Variants in PPP2R3A observed in about 807,000 individuals in gnomAD.
The protein encoded by PPP2R3A is serine/threonine-protein phosphatase 2A regulatory subunit B'' subunit alpha.
A neutral mutation model predicts 106.9 loss-of-function variants in PPP2R3A; 80 were observed. The ratio of observed to expected loss-of-function variants is 0.75; its 90% CI spans 0.62 to 0.90. The LOEUF is 0.90. PPP2R3A is among the 40% of genes least tolerant of loss of function. The probability of loss-of-function intolerance (pLI) is 0.00; values close to 1 mark genes in which losing one functional copy is unlikely to be tolerated. For missense variants in PPP2R3A, 1,386 were observed against 1,350.4 expected, an observed-to-expected ratio of 1.03 and a Z score of -0.41; for synonymous variants, 483 against 468.3, an observed-to-expected ratio of 1.03 and a Z score of -0.41.
chr3:136,053,486 G>C (rs1425724118), intron 5 of PPP2R3A, among the ~76,000 whole-genome samples: 1 of 152,182 alleles, frequency 6.6e-6, no homozygotes, highest in Non-Finnish European at 1.5e-5. Flanking sequence ...CAGAGCAGTT[G>C]TAAATTCAGG....
intron 11 of PPP2R3A, 74 bp downstream of exon 11, chr3:136,102,256 T>A (rs1457815338): frequency 1.4e-6 from 2 of 1,474,840 alleles, no homozygotes; most frequent in Non-Finnish European, 1.8e-6. Flanking sequence ...TAGATTGTCC[T>A]AAATTATTTA....
chr3:136,134,341 GTAA>G lies in PPP2R3A; in HGVS notation c.3330-10700_3330-10698del, dbSNP rs1384664141. On this transcript the variant is annotated intron_variant, in intron 13 of 13. Transcript: ENST00000264977. ...ATTTATGCCCTTTGACTCCCTGATA[GTAA>G]TTCTGAGTATCTATTGTAAATAATC... Among the ~76,000 whole-genome samples the G allele has an allele frequency of 1.1e-4, 17 of 152,146 alleles. 1 individual carries two copies. Among genetic ancestry groups the G allele is most frequent in the Middle Eastern group, 3.2e-3 (1 of 316 alleles).
intron 10 of PPP2R3A, among the ~76,000 whole-genome samples, chr3:136,101,641 ATC>A (rs955192788): frequency 1.3e-5 from 2 of 151,978 alleles, no homozygotes; most frequent in African/African-American, 4.8e-5. Context: ...GGCCAGGCTG[ATC>A]TCAAACTCCT....
chr3:135,975,478 G>A (rs1312314565), intron 1 of PPP2R3A, among the ~76,000 whole-genome samples: 4 of 152,130 alleles, frequency 2.6e-5, no homozygotes, highest in African/African-American at 7.2e-5. Context: ...AAGAATTTTA[G>A]CCAAACAAGT....
intron 3 of PPP2R3A, among the ~76,000 whole-genome samples, chr3:136,031,712 C>T (rs747780606): frequency 1.3e-5 from 2 of 152,138 alleles, no homozygotes; most frequent in Non-Finnish European, 2.9e-5. Flanking sequence ...GTTTCATTCT[C>T]CTACATGTGA....
In PPP2R3A at chr3:136,076,087, T is replaced by G. The variant is rs112083295; in HGVS notation, c.2545-2280T>G. ...CAGCTCCCACCTAATTCAGGAATCC[T>G]GTCAACTTCTTCCTAAATACTTGTG... On this transcript the variant is annotated intron_variant, in intron 6 of 13. Transcript: ENST00000264977. Among the ~76,000 whole-genome samples the G allele has an allele frequency of 5.9e-5, 9 of 152,334 alleles. 1 individual carries two copies. Among genetic ancestry groups the G allele is most frequent in the African/African-American group, 1.9e-4 (8 of 41,576 alleles).
chr3:136,070,636 A>G (rs553516428), intron 6 of PPP2R3A, 84 bp downstream of exon 6: 35 of 1,130,632 alleles, frequency 3.1e-5, no homozygotes, highest in Admixed American at 2.5e-4. Flanking sequence ...TCAAGTATCT[A>G]TGCAAAAGGT....
At chr3:136,131,265 C>T (rs1938403985) in intron 13 of PPP2R3A, among the ~76,000 whole-genome samples, 1 of 152,110 alleles carries the variant, frequency 6.6e-6, no homozygotes, top group Non-Finnish European at 1.5e-5. Flanking sequence ...GCAATCTACC[C>T]ACCTGACAAA....
chr3:136,003,923 C>T (rs1933751165), intron 2 of PPP2R3A, among the ~76,000 whole-genome samples: 1 of 152,140 alleles, frequency 6.6e-6, no homozygotes. Flanking sequence ...TACTGCATGC[C>T]TGTGTAGACC....
intron 8 of PPP2R3A, among the ~76,000 whole-genome samples, chr3:136,082,797 G>A (rs558764889): frequency 1.6e-3 from 249 of 152,176 alleles, no homozygotes; most frequent in African/African-American, 4.6e-3. Context: ...TCTGTAAAAA[G>A]CCAAGCATGA....
intron 13 of PPP2R3A, among the ~76,000 whole-genome samples, chr3:136,142,276 C>G (rs1384424330): frequency 6.6e-6 from 1 of 152,036 alleles, no homozygotes; most frequent in East Asian, 1.9e-4. Context: ...TAGCACCATC[C>G]CTGCACTCTA....
chr3:136,076,554 C>G (rs1936601074), intron 6 of PPP2R3A, among the ~76,000 whole-genome samples: 1 of 152,146 alleles, frequency 6.6e-6, no homozygotes. Flanking sequence ...AGTTATGAAG[C>G]CAACCCGTAT....
intron 1 of PPP2R3A, among the ~76,000 whole-genome samples, chr3:135,996,934 C>T (rs892061262): frequency 6.6e-6 from 1 of 152,156 alleles, no homozygotes; most frequent in Non-Finnish European, 1.5e-5. Flanking sequence ...TATTTTTCTT[C>T]TTCCATTTAT....
At chr3:136,038,137 CT>C (rs1935148944) in intron 3 of PPP2R3A, among the ~76,000 whole-genome samples, 1 of 152,124 alleles carries the variant, frequency 6.6e-6, no homozygotes, top group Non-Finnish European at 1.5e-5. Context: ...GGCTAGCATA[CT>C]TTTTTTAATA....
In PPP2R3A at chr3:136,027,040, C is replaced by T. The variant is rs1576444347; in HGVS notation, c.2204C>T (p.Ala735Val). 3.1e-6 allele frequency: 5 copies of T among 1,613,490 alleles called. No homozygotes were observed. In the South Asian group the frequency reaches 4.4e-5, roughly 14 times the overall value. Reference protein sequence around the residue: ...HEQTLSRIETAFMDIEEQKAD... With the variant: ...HEQTLSRIETVFMDIEEQKAD... ...CAAACTCTAAGCAGAATTGAAACTG[C>T]TTTCATGGATATTGAAGAACAGAAA... Residue 735 changes from alanine to valine, a missense_variant, in exon 3 of 14, where the codon GCT (alanine) becomes GTT (valine). Physicochemically the swap from Ala to Val is moderately conservative, Grantham distance 64. Transcript: ENST00000264977.
At chr3:136,030,618 T>G (rs1461769071) in intron 3 of PPP2R3A, among the ~76,000 whole-genome samples, 1 of 152,040 alleles carries the variant, frequency 6.6e-6, no homozygotes, top group Non-Finnish European at 1.5e-5. Context: ...TCCTCATAGC[T>G]TAGCTCCCAC....
intron 3 of PPP2R3A, among the ~76,000 whole-genome samples, chr3:136,034,834 T>G (rs913254995): frequency 1.3e-5 from 2 of 152,226 alleles, no homozygotes; most frequent in African/African-American, 4.8e-5. Flanking sequence ...AGTCCCCCAC[T>G]CTTGTTGTGT....
At chr3:135,984,545 C>G (rs113684078) in intron 1 of PPP2R3A, among the ~76,000 whole-genome samples, 3,542 of 152,166 alleles carry the variant, frequency 0.023, 155 homozygotes, top group African/African-American at 0.079. Flanking sequence ...GTAATTGGAT[C>G]ATGGGGGCAG....
At chr3:136,101,520 G>A (rs1211592483) in intron 10 of PPP2R3A, among the ~76,000 whole-genome samples, 2 of 152,118 alleles carry the variant, frequency 1.3e-5, no homozygotes, top group Non-Finnish European at 2.9e-5. Flanking sequence ...CACCTCCCAG[G>A]TTCAAACAAT....
Sources: gnomAD v4.1 joint callset for allele counts (sites outside exome capture counted in the v4.1 genomes callset) on GRCh38, gnomAD v4.1.1 for gene constraint, MANE v1.5 for transcripts, NCBI Gene and HGNC (gene_info 2026-07-23, HGNC 2026-07-21) for gene names.